Variants in RASAL2 observed in about 807,000 individuals in gnomAD.
RASAL2 encodes RAS protein activator like 2, also known as ras GTPase-activating protein nGAP.
In RASAL2, 58 loss-of-function variants were observed where a neutral mutation model predicts 128.9. The observed-to-expected ratio is 0.45, with a 90% confidence interval of 0.36 to 0.56. The LOEUF is 0.56. Ranked by LOEUF, RASAL2 falls within the 20% of genes least tolerant of loss-of-function variation. The pLI is 0.00. For missense variants in RASAL2, 1,360 were observed against 1,601.6 expected (o/e 0.85, Z 2.57); for synonymous variants, 561 against 580.8 (o/e 0.97, Z 0.49).
At chr1:178,356,694 G>C (rs1670831087) in intron 3 of RASAL2, among the ~76,000 whole-genome samples, 1 of 152,138 alleles carries the variant, frequency 6.6e-6, no homozygotes, top group African/African-American at 2.4e-5. Flanking sequence ...GTTTACCCCG[G>C]AAATAGGTAT....
At chr1:178,312,764 G>A (rs544712779) in intron 3 of RASAL2, among the ~76,000 whole-genome samples, 4 of 152,256 alleles carry the variant, frequency 2.6e-5, no homozygotes, top group East Asian at 3.9e-4. Context: ...AATAGGAAGC[G>A]CATTTGTGGT....
chr1:178,094,518 G>A lies in RASAL2; in HGVS notation c.26G>A (p.Gly9Glu), dbSNP rs1206465362. ...ATGGAGCTCTCTCCGTCGTCCGGAG[G>A]AGCCGCGGAGGCGCTGTCCTGGCCG... MELSPSSG[G>E]AAEALSWPEM... is the part of the protein sequence containing the mutation. The change falls in exon 1 of 18, where the codon GGA becomes GAA. Residue 9 changes from glycine (G) to glutamate (E), a missense_variant. This residue lies in a region of RASAL2 where 617 missense variants were observed against 714.2 expected (regional missense o/e 0.86). Transcript: ENST00000367649. The A allele has an allele frequency of 6.4e-7, 1 of 1,566,552 alleles. No homozygotes were observed. The highest frequency in any genetic ancestry group is 1.9e-5 in the Admixed American group (1 of 53,058).
chr1:178,169,020 A>T (rs1245052298), intron 1 of RASAL2, among the ~76,000 whole-genome samples: 1 of 152,084 alleles, frequency 6.6e-6, no homozygotes, highest in Non-Finnish European at 1.5e-5. Flanking sequence ...CTTAGTTTTC[A>T]TCTTTTATTG....
intron 14 of RASAL2, 114 bp from the exon 15 acceptor site, chr1:178,464,164 C>A (rs1410798253): frequency 7.9e-7 from 1 of 1,264,774 alleles, no homozygotes. Context: ...AAGCTAAGAG[C>A]ATTTATTAGA....
At position 178,474,230 on chromosome 1, in the gene RASAL2, G is replaced by A. The variant is rs184250449; in HGVS notation, c.*991G>A. 3 of 152,632 alleles carry A rather than the reference G, an allele frequency of 2.0e-5. No individual in the cohort carries two copies. The highest frequency in any genetic ancestry group is 1.9e-4 in the East Asian group (1 of 5,182). 9.5% of individuals were successfully genotyped at this position (152,632 alleles called of 1,614,324 possible). Reference sequence around the variant, plus strand: ...ACACCCTTTCTTCCATACAGAAAAGGGCTAACCATACCACAGCTGGAATCT... The same window carrying A: ...ACACCCTTTCTTCCATACAGAAAAGAGCTAACCATACCACAGCTGGAATCT... On this transcript the variant is annotated 3_prime_UTR_variant, in exon 18 of 18. Coordinates refer to ENST00000367649, the MANE Select transcript of RASAL2 (RefSeq NM_170692.4).
intron 4 of RASAL2, among the ~76,000 whole-genome samples, chr1:178,390,463 C>T (rs893297976): frequency 6.6e-6 from 1 of 152,076 alleles, no homozygotes; most frequent in Admixed American, 6.6e-5. Context: ...ACTGCAACCT[C>T]CCCCTCCCGA....
chr1:178,467,372 C>G lies in RASAL2; in HGVS notation c.3629C>G (p.Ala1210Gly), dbSNP rs1219800211. Residue 1210 changes from alanine (A) to glycine (G), a missense_variant, in exon 17 of 18, where the codon GCT becomes GGT. Coordinates refer to ENST00000367649, the MANE Select transcript of RASAL2 (RefSeq NM_170692.4). ...GAAGAGGAACTGAAGAAGGATCATG[C>G]TGAGATGCAAGCAGTTATTGATGCA... ...AVEEELKKDHAEMQAVIDAKQ... is the reference protein window; with the variant it reads ...AVEEELKKDHGEMQAVIDAKQ... 1.9e-6 allele frequency: 3 copies of G among 1,614,136 alleles called. No individual in the cohort carries two copies. Among genetic ancestry groups the G allele is most frequent in the South Asian group, 2.2e-5 (2 of 91,070 alleles).
At chr1:178,264,061 C>T (rs1203554311) in intron 1 of RASAL2, among the ~76,000 whole-genome samples, 2 of 152,098 alleles carry the variant, frequency 1.3e-5, no homozygotes, top group Non-Finnish European at 2.9e-5. Flanking sequence ...TAAGTTTGAA[C>T]CTAATATTTC....
chr1:178,267,476 CT>C (rs75591274), intron 1 of RASAL2, among the ~76,000 whole-genome samples: 2,224 of 137,466 alleles, frequency 0.016, 58 homozygotes, highest in African/African-American at 0.047. Flanking sequence ...TTTTTCCTTC[CT>C]TTTTTTTTTT....
At chr1:178,129,176 G>C (rs1243510159) in intron 1 of RASAL2, among the ~76,000 whole-genome samples, 1 of 152,030 alleles carries the variant, frequency 6.6e-6, no homozygotes, top group African/African-American at 2.4e-5. Flanking sequence ...GTTTTCTATA[G>C]CAGCTGCACC....
intron 1 of RASAL2, among the ~76,000 whole-genome samples, chr1:178,095,646 T>C (rs1366444945): frequency 6.6e-6 from 1 of 152,230 alleles, no homozygotes; most frequent in African/African-American, 2.4e-5. Flanking sequence ...AAGTACCTTA[T>C]GTTTTTTTCT....
chr1:178,373,505 G>A (rs556584339), intron 3 of RASAL2, among the ~76,000 whole-genome samples: 1 of 151,706 alleles, frequency 6.6e-6, no homozygotes, highest in Non-Finnish European at 1.5e-5. Context: ...CATACACATA[G>A]AGAAACATCA....
intron 1 of RASAL2, among the ~76,000 whole-genome samples, chr1:178,101,796 C>G (rs555330791): frequency 6.6e-6 from 1 of 152,314 alleles, no homozygotes. Context: ...GATTTAGCTT[C>G]TAGATCTTGC....
At chr1:178,190,971 G>A (rs1662474743) in intron 1 of RASAL2, among the ~76,000 whole-genome samples, 1 of 152,152 alleles carries the variant, frequency 6.6e-6, no homozygotes, top group Non-Finnish European at 1.5e-5. Flanking sequence ...GGTATTAGGA[G>A]AATTAAATAG....
Position 178,110,914 on chromosome 1 carries a change from A to T in RASAL2, c.202+16220A>T, listed in dbSNP as rs116389763. ...CCCGGCCATACTGTATTGTTTTTTA[A>T]AATTTGTATTCTACATTTTTTATAG... is the stretch of plus-strand genomic sequence containing the variant. On this transcript the variant is annotated intron_variant, in intron 1 of 17. Coordinates refer to ENST00000367649, the MANE Select transcript of RASAL2 (RefSeq NM_170692.4). Among the ~76,000 whole-genome samples the T allele has an allele frequency of 3.0e-3, 452 of 151,930 alleles. 2 individuals carry two copies. Among genetic ancestry groups the T allele is most frequent in the African/African-American group, 0.011 (435 of 41,428 alleles).
chr1:178,166,389 A>G (rs1347566150), intron 1 of RASAL2, among the ~76,000 whole-genome samples: 1 of 152,208 alleles, frequency 6.6e-6, no homozygotes, highest in Non-Finnish European at 1.5e-5. Context: ...CTCAAAGGGT[A>G]ATGATCTCTT....
At chr1:178,465,826 AAAAAAGAAAG>A (rs777714840) in intron 15 of RASAL2, 84 bp from the exon 16 acceptor site, 43 of 1,178,382 alleles carry the variant, frequency 3.6e-5, no homozygotes, top group Non-Finnish European at 5.0e-5. Context: ...AAGAAAAAGA[AAAAAAGAAAG>A]AAAGAGAAAG....
chr1:178,277,333 A>AT (rs1557872286), intron 1 of RASAL2, among the ~76,000 whole-genome samples: 1 of 151,902 alleles, frequency 6.6e-6, no homozygotes, highest in Non-Finnish European at 1.5e-5. Flanking sequence ...TGATTTTTGT[A>AT]TTTTTTGTAG....
At chr1:178,258,787 CCT>C (rs1452743214) in intron 1 of RASAL2, among the ~76,000 whole-genome samples, 1 of 152,130 alleles carries the variant, frequency 6.6e-6, no homozygotes, top group Non-Finnish European at 1.5e-5. Flanking sequence ...AAACGTATGT[CCT>C]CATAAAAATT....
Sources: gnomAD v4.1 joint callset for allele counts (sites outside exome capture counted in the v4.1 genomes callset) on GRCh38, gnomAD v4.1.1 for gene constraint, gnomAD v4.1.1 regional missense constraint, MANE v1.5 for transcripts, NCBI Gene and HGNC (gene_info 2026-07-23, HGNC 2026-07-21) for gene names.